The following CDH12 variants were observed in gnomAD, a reference collection of about 807,000 sequenced individuals.
The protein encoded by CDH12 is cadherin 12, also known as cadherin-12.
CDH12 carries 41 observed loss-of-function variants against 74.1 expected under a neutral mutation model. The ratio of observed to expected loss-of-function variants is 0.55; its 90% CI spans 0.43 to 0.72. The LOEUF is 0.72. Among genes scored for constraint, CDH12 ranks in the 30% least tolerant of loss-of-function variants. The pLI is 0.00. For missense variants in CDH12, 945 were observed against 977.2 expected, an observed-to-expected ratio of 0.97 and a Z score of 0.44; for synonymous variants, 399 against 355.0, an observed-to-expected ratio of 1.12 and a Z score of -1.39.
At chr5:22,294,701 T>C (rs1007421587) in intron 3 of CDH12, among the ~76,000 whole-genome samples, 3 of 152,064 alleles carry the variant, frequency 2.0e-5, no homozygotes, top group African/African-American at 7.2e-5. Flanking sequence ...CAAGCACAAG[T>C]TACTTTTTAT....
At chr5:22,668,150 A>C (rs2126908840) in intron 1 of CDH12, among the ~76,000 whole-genome samples, 1 of 152,236 alleles carries the variant, frequency 6.6e-6, no homozygotes, top group Middle Eastern at 3.4e-3. Context: ...TTATTTTATT[A>C]TCAGCTTATA....
intron 6 of CDH12, among the ~76,000 whole-genome samples, chr5:21,901,907 C>G (rs1259428911): frequency 2.1e-5 from 2 of 93,232 alleles, no homozygotes; most frequent in Non-Finnish European, 5.8e-5. Flanking sequence ...ATAATTATGA[C>G]TTTATTGTAT....
chr5:22,381,951 G>T (rs997071835), intron 3 of CDH12, among the ~76,000 whole-genome samples: 9 of 149,764 alleles, frequency 6.0e-5, no homozygotes, highest in African/African-American at 2.2e-4. Context: ...AGAGAGAGAA[G>T]TTCCTTATAA....
chr5:22,024,778 T>G (rs1738240937), intron 5 of CDH12, among the ~76,000 whole-genome samples: 2 of 152,096 alleles, frequency 1.3e-5, no homozygotes, highest in Non-Finnish European at 2.9e-5. Flanking sequence ...CTTCCCAAAG[T>G]GCTGGAATTA....
chr5:22,222,169 G>C (rs997883856), intron 3 of CDH12, among the ~76,000 whole-genome samples: 15 of 151,882 alleles, frequency 9.9e-5, no homozygotes, highest in African/African-American at 3.6e-4. Flanking sequence ...GTGTTTATCT[G>C]CTTCATCATT....
intron 6 of CDH12, among the ~76,000 whole-genome samples, chr5:21,927,787 A>G (rs930839542): frequency 6.6e-6 from 1 of 151,918 alleles, no homozygotes; most frequent in Non-Finnish European, 1.5e-5. Flanking sequence ...TGGTGAAAAC[A>G]GGCCTGGTGC....
chr5:22,560,708 C>G (rs555571446), intron 1 of CDH12, among the ~76,000 whole-genome samples: 5 of 152,096 alleles, frequency 3.3e-5, no homozygotes, highest in African/African-American at 1.2e-4. Context: ...ATGTACTGCA[C>G]AGATCGTCAA....
chr5:22,687,392 A>T (rs1741865088), intron 1 of CDH12, among the ~76,000 whole-genome samples: 1 of 152,142 alleles, frequency 6.6e-6, no homozygotes, highest in Non-Finnish European at 1.5e-5. Context: ...TAGCACTGTA[A>T]AATTCCTCCA....
intron 4 of CDH12, chr5:22,144,217 CACTA>C (rs778466634): frequency 4.6e-5 from 7 of 152,046 alleles, no homozygotes; most frequent in African/African-American, 9.7e-5. Context: ...TTAATTTATC[CACTA>C]ACTGTTTAGA....
chr5:22,257,561 G>A (rs969143919), intron 3 of CDH12, among the ~76,000 whole-genome samples: 4 of 151,330 alleles, frequency 2.6e-5, no homozygotes, highest in Non-Finnish European at 5.9e-5. Flanking sequence ...GTGCAGTGGC[G>A]CGATCTCGGT....
chr5:22,299,347 T>C (rs763132034), intron 3 of CDH12, among the ~76,000 whole-genome samples: 4 of 152,044 alleles, frequency 2.6e-5, no homozygotes, highest in Admixed American at 6.6e-5. Context: ...GAATAAAAGA[T>C]GGGGAGTCAA....
rs188497511 is a variant in CDH12, at chr5:22,667,881, C to T, written c.-522-162517G>A. ...TGGCTTTTATTCCCACTTAAATGTA[C>T]CTTTAGGTCGTATCAAGAAATTGGA... On this transcript the variant is annotated intron_variant, in intron 1 of 14. Transcript: ENST00000382254. Among the ~76,000 whole-genome samples, 179 of 152,190 alleles carry T rather than the reference C, an allele frequency of 1.2e-3. 1 individual carries two copies. The highest frequency in any genetic ancestry group is 0.01 in the Middle Eastern group (3 of 294).
intron 4 of CDH12, among the ~76,000 whole-genome samples, chr5:22,140,428 A>C (rs1444531283): frequency 1.4e-5 from 2 of 147,384 alleles, no homozygotes; most frequent in African/African-American, 4.9e-5. Flanking sequence ...TATACATTTA[A>C]AAGTGTATAA....
chr5:22,740,877 T>C (rs1417663347), intron 1 of CDH12, among the ~76,000 whole-genome samples: 3 of 152,124 alleles, frequency 2.0e-5, no homozygotes, highest in East Asian at 3.9e-4. Flanking sequence ...AAAGGCAATA[T>C]GTCTTGAAAA....
rs1480689268 is a variant in CDH12 at position 21,985,080 on chromosome 5, G to A, written c.232-9695C>T. Among the ~76,000 whole-genome samples, 12 of 152,006 alleles carry A rather than the reference G, an allele frequency of 7.9e-5. No homozygotes were observed. In the South Asian group the frequency reaches 1.9e-3, roughly 24 times the overall value. ...TTTTCTTTCTTTGTTTTCTGAACAC[G>A]AAGCCCCATAAGTTTCAAGCATTGC... On this transcript the variant is annotated intron_variant, in intron 5 of 14. Coordinates refer to ENST00000382254, the MANE Select transcript of CDH12 (RefSeq NM_004061.5).
intron 2 of CDH12, among the ~76,000 whole-genome samples, chr5:22,405,643 G>A (rs1024808056): frequency 6.6e-6 from 1 of 152,194 alleles, no homozygotes; most frequent in African/African-American, 2.4e-5. Flanking sequence ...AATAAATTTA[G>A]TTCCAATCAT....
intron 11 of CDH12, among the ~76,000 whole-genome samples, chr5:21,777,000 C>A (rs1442947054): frequency 1.3e-5 from 2 of 152,058 alleles, no homozygotes; most frequent in Non-Finnish European, 2.9e-5. Flanking sequence ...TATTACATAT[C>A]ATTTCATTAT....
At chr5:22,789,032 A>T (rs74291142) in intron 1 of CDH12, among the ~76,000 whole-genome samples, 7,772 of 152,170 alleles carry the variant, frequency 0.051, 292 homozygotes, top group South Asian at 0.11. Flanking sequence ...GAAATCAATA[A>T]GTATTAGTCA....
At chr5:22,411,778 A>G (rs1377089702) in intron 2 of CDH12, among the ~76,000 whole-genome samples, 1 of 152,058 alleles carries the variant, frequency 6.6e-6, no homozygotes, top group Non-Finnish European at 1.5e-5. Context: ...CCTGGTTCTT[A>G]CATAGCTTCC....
Sources: gnomAD v4.1 joint callset for allele counts (sites outside exome capture counted in the v4.1 genomes callset) on GRCh38, gnomAD v4.1.1 for gene constraint, MANE v1.5 for transcripts, NCBI Gene and HGNC (gene_info 2026-07-23, HGNC 2026-07-21) for gene names.